MAPK10: variants seen among roughly 807,000 people sequenced by gnomAD.
The protein encoded by MAPK10 is mitogen-activated protein kinase 10, also known as JNK3 alpha protein kinase.
A neutral mutation model predicts 59.3 loss-of-function variants in MAPK10; 25 were observed. The observed-to-expected ratio is 0.42, with a 90% CI of 0.31 to 0.59. MAPK10 has a LOEUF of 0.59. MAPK10 is among the 20% of genes least tolerant of loss of function. The pLI, the probability that MAPK10 is intolerant of heterozygous loss-of-function variation, is 0.15. For synonymous variants in MAPK10, 190 were observed against 200.5 expected (o/e 0.95, Z 0.44); for missense variants, 351 against 568.9 (o/e 0.62, Z 3.90).
chr4:86,112,170 G>A (rs1489246520), intron 4 of MAPK10, among the ~76,000 whole-genome samples: 1 of 148,888 alleles, frequency 6.7e-6, no homozygotes, highest in East Asian at 2.0e-4. Flanking sequence ...ACCAGCTCCT[G>A]ATTCATTGAT....
intron 11 of MAPK10, among the ~76,000 whole-genome samples, chr4:86,053,359 A>C (rs1365113839): frequency 6.6e-6 from 1 of 152,160 alleles, no homozygotes; most frequent in Non-Finnish European, 1.5e-5. Flanking sequence ...GGTTAAGAGG[A>C]GATTCTTTGA....
chr4:86,030,032 T>G (rs900938636), intron 12 of MAPK10, among the ~76,000 whole-genome samples: 1 of 152,208 alleles, frequency 6.6e-6, no homozygotes, highest in Non-Finnish European at 1.5e-5. Context: ...GCTTATAATC[T>G]GTATAATCAT....
intron 2 of MAPK10, among the ~76,000 whole-genome samples, chr4:86,217,175 A>G (rs2087915333): frequency 6.6e-6 from 1 of 152,166 alleles, no homozygotes; most frequent in South Asian, 2.1e-4. Context: ...CACTTGAAAC[A>G]TCTTAAAAAT....
chr4:86,121,548 AAATT>A (rs1183251464), intron 4 of MAPK10, among the ~76,000 whole-genome samples: 6 of 152,168 alleles, frequency 3.9e-5, no homozygotes, highest in African/African-American at 1.4e-4. Context: ...CTGTTCTTCT[AAATT>A]AATTTTGTTT....
chr4:86,321,422 C>T (rs1183810120), intron 2 of MAPK10, among the ~76,000 whole-genome samples: 1 of 152,098 alleles, frequency 6.6e-6, no homozygotes, highest in East Asian at 1.9e-4. Flanking sequence ...ATGATGAGTT[C>T]ATGTTCTTTG....
intron 11 of MAPK10, chr4:86,031,713 G>T: frequency 3.1e-6 from 1 of 320,092 alleles, no homozygotes; most frequent in Non-Finnish European, 5.8e-6. Flanking sequence ...TAGAACCCAC[G>T]CCTAAGCAAT....
chr4:86,350,119 T>C (rs1730419989), intron 2 of MAPK10, among the ~76,000 whole-genome samples: 2 of 152,094 alleles, frequency 1.3e-5, no homozygotes, highest in South Asian at 4.1e-4. Context: ...TGGTGCAATC[T>C]CGATTCAATG....
At chr4:86,176,353 T>C (rs903751334) in intron 3 of MAPK10, among the ~76,000 whole-genome samples, 4 of 152,250 alleles carry the variant, frequency 2.6e-5, no homozygotes, top group African/African-American at 4.8e-5. Context: ...TTAACACAAC[T>C]TCTGTATTTT....
At chr4:86,070,062 A>C (rs1226441181) in intron 9 of MAPK10, among the ~76,000 whole-genome samples, 1 of 152,210 alleles carries the variant, frequency 6.6e-6, no homozygotes, top group Non-Finnish European at 1.5e-5. Flanking sequence ...GGTTGCTTTT[A>C]AATGAAACAC....
At chr4:86,422,010 T>A (rs1256911951) in intron 1 of MAPK10, among the ~76,000 whole-genome samples, 5 of 152,156 alleles carry the variant, frequency 3.3e-5, no homozygotes, top group African/African-American at 4.8e-5. Flanking sequence ...CAAATACCAA[T>A]TCCTCAGAGA....
chr4:86,107,440 A>G lies in MAPK10; in HGVS notation c.237-88T>C, dbSNP rs2056747751. The G allele has an allele frequency of 2.1e-5, 32 of 1,507,526 alleles. No homozygotes were observed. In the South Asian group the frequency reaches 4.2e-4, roughly 20 times the overall value. 93.4% of individuals were successfully genotyped at this position (1,507,526 alleles called of 1,614,324 possible). ...TTGATTAAGGATACTGGTAAAGAAA[A>G]TGCTATTTCGGAATCTTAGATACTG... On this transcript the variant is annotated intron_variant, in intron 4 of 13. Transcript: ENST00000641462.
intron 4 of MAPK10, among the ~76,000 whole-genome samples, chr4:86,131,633 T>C (rs759048819): frequency 7.2e-5 from 11 of 152,182 alleles, no homozygotes; most frequent in Non-Finnish European, 1.5e-4. Context: ...ACTGGCAGCA[T>C]GTTGTGCCAA....
intron 2 of MAPK10, among the ~76,000 whole-genome samples, chr4:86,335,341 T>G (rs566346540): frequency 6.6e-6 from 1 of 152,334 alleles, no homozygotes; most frequent in Non-Finnish European, 1.5e-5. Context: ...ATGAAACAAG[T>G]ATAAGACATT....
chr4:86,184,573 G>C (rs1372430888), intron 3 of MAPK10, among the ~76,000 whole-genome samples: 1 of 152,076 alleles, frequency 6.6e-6, no homozygotes, highest in East Asian at 1.9e-4. Context: ...CTGCAGGTGG[G>C]GCCTGGTGGG....
At chr4:86,534,427 A>T (rs1009746174) in intron 1 of MAPK10, among the ~76,000 whole-genome samples, 6 of 152,194 alleles carry the variant, frequency 3.9e-5, no homozygotes, top group Admixed American at 6.5e-5. Flanking sequence ...CAAAAGAAAC[A>T]TTAGAGAAAA....
At chr4:86,256,725 TCTTTCTTTC>T (rs2093732271) in intron 2 of MAPK10, among the ~76,000 whole-genome samples, 1 of 123,934 alleles carries the variant, frequency 8.1e-6, no homozygotes, top group African/African-American at 3.9e-5. Flanking sequence ...TTTTTTCTTT[TCTTTCTTTC>T]TTTTTTTTTT....
At chr4:86,161,321 G>T (rs188645082) in intron 3 of MAPK10, among the ~76,000 whole-genome samples, 1 of 152,180 alleles carries the variant, frequency 6.6e-6, no homozygotes, top group Admixed American at 6.6e-5. Context: ...GACATTGCAA[G>T]CCTATTCAAG....
rs1331471347 is a variant in MAPK10 at position 86,575,267 on chromosome 4, G to A, written c.-263+18643C>T. On this transcript the variant is annotated intron_variant, in intron 1 of 4. Transcript: ENST00000502302. ...TTCATGGGTCTCCAACTTGCAGATG[G>A]CAGGTTGTGGGTCTTTTCAGCCTCC... is the stretch of plus-strand genomic sequence containing the variant. Among the ~76,000 whole-genome samples the A allele has an allele frequency of 2.0e-5, 3 of 152,102 alleles. No individual in the cohort carries two copies. In the East Asian group the frequency reaches 5.8e-4, roughly 29 times the overall value.
At chr4:86,394,633 A>G (rs1742674370) in intron 1 of MAPK10, among the ~76,000 whole-genome samples, 1 of 152,190 alleles carries the variant, frequency 6.6e-6, no homozygotes, top group African/African-American at 2.4e-5. Flanking sequence ...TCACTTGGAA[A>G]CCTGAAAACT....
Sources: gnomAD v4.1 joint callset for allele counts (sites outside exome capture counted in the v4.1 genomes callset) on GRCh38, gnomAD v4.1.1 for gene constraint, MANE v1.5 for transcripts, NCBI Gene and HGNC (gene_info 2026-07-23, HGNC 2026-07-21) for gene names.